ARHGAP22: variants seen among roughly 807,000 people sequenced by gnomAD.
The protein encoded by ARHGAP22 is Rho GTPase activating protein 22, also known as rho GTPase-activating protein 22.
Under a neutral mutation model 59.1 loss-of-function variants are expected in ARHGAP22, and 48 were observed. The ratio of observed to expected loss-of-function variants is 0.81; its 90% CI spans 0.64 to 1.03. The LOEUF is 1.03. Among genes scored for constraint, ARHGAP22 ranks in the 50% least tolerant of loss-of-function variants. The pLI is 0.00. For missense variants in ARHGAP22, 1,015 were observed against 958.7 expected (o/e 1.06, Z -0.78); for synonymous variants, 445 against 416.4 (o/e 1.07, Z -0.84).
chr10:48,435,046 G>A, the ARHGAP22 span: 3 of 1,506,194 alleles, frequency 2.0e-6, no homozygotes, highest in Admixed American at 1.9e-5. Flanking sequence ...GGGCCATCGG[G>A]GGGTGGGAGG....
At position 48,453,304 on chromosome 10, in the gene ARHGAP22, C is replaced by T. The variant is rs1449686286; in HGVS notation, c.988G>A (p.Gly330Ser). The T allele has an allele frequency of 1.9e-6, 3 of 1,613,620 alleles. No individual in the cohort carries two copies. The South Asian group carries it at 3.3e-5, about 18-fold the overall frequency. Residue 330 changes from glycine to serine, a missense_variant and splice_region_variant, in exon 8 of 10, where the codon GGC becomes AGC. Coordinates refer to ENST00000249601, the MANE Select transcript of ARHGAP22 (RefSeq NM_021226.4). ...GCCACCAGGTACACCTCCCACTTAC[C>T]TTCCATGATGGTTACTGGGTCCTCT... ...QVEDPVTIME[G>S]TSLVQHLMTV...
At chr10:48,434,905 C>T in the ARHGAP22 span, 3 of 1,613,578 alleles carry the variant, frequency 1.9e-6, no homozygotes, top group South Asian at 3.3e-5. Flanking sequence ...ATCAATGGCT[C>T]TCAGCATCCA....
chr10:48,643,745 G>A (rs2062161975), intron 1 of ARHGAP22, among the ~76,000 whole-genome samples: 1 of 121,928 alleles, frequency 8.2e-6, no homozygotes, highest in Admixed American at 7.8e-5. Flanking sequence ...AGAACTTAAA[G>A]TATAATTAAA....
chr10:48,498,695 C>T (rs1486942935), intron 3 of ARHGAP22, among the ~76,000 whole-genome samples: 1 of 152,202 alleles, frequency 6.6e-6, no homozygotes, highest in Non-Finnish European at 1.5e-5. Flanking sequence ...CTCAACATTT[C>T]AGAACCCAAA....
At chr10:48,511,574 A>C (rs1441051981) in intron 3 of ARHGAP22, 1 of 152,308 alleles carries the variant, frequency 6.6e-6, no homozygotes, top group African/African-American at 2.4e-5. Flanking sequence ...CTGCTTCCAG[A>C]AGTTGTTGAT....
rs1564663911 is a variant in ARHGAP22, at chr10:48,450,853, GCAGGGT to G, written c.1270_1275del (p.Thr424_Leu425del). 2.5e-6 allele frequency: 4 copies of G among 1,590,462 alleles called. No individual in the cohort carries two copies. Among genetic ancestry groups the G allele is most frequent in the Non-Finnish European group, 3.4e-6 (4 of 1,168,964 alleles). ...TGCCGGAAGGAGGACTTCCAACTGG[GCAGGGT>G]CTGCACCTTCTTCCCAGGGCTGCAC... On this transcript the variant is annotated inframe_deletion, in exon 9 of 10. Transcript: ENST00000249601.
Position 48,523,439 on chromosome 10 carries a change from C to T in ARHGAP22, c.322+32024G>A, listed in dbSNP as rs556804478. Reference sequence around the variant, plus strand: ...CCCAGCCCCCGGGAGGCCGGACCTCCGGCGGCCGCCAACGTCCTAAGCGTG... The same window carrying T: ...CCCAGCCCCCGGGAGGCCGGACCTCTGGCGGCCGCCAACGTCCTAAGCGTG... On this transcript the variant is annotated intron_variant, in intron 3 of 9. Transcript: ENST00000249601. Among the ~76,000 whole-genome samples, 4 of 152,350 alleles carry T rather than the reference C, an allele frequency of 2.6e-5. No individual in the cohort carries two copies. In the East Asian group the frequency reaches 7.7e-4, roughly 29 times the overall value.
Position 48,652,265 on chromosome 10 carries a change from G to A in ARHGAP22, c.21C>T (p.Ser7=), listed in dbSNP as rs1366457259. 8 of 1,535,672 alleles carry A rather than the reference G, an allele frequency of 5.2e-6. No individual in the cohort carries two copies. In the South Asian group the frequency reaches 9.5e-5, roughly 18 times the overall value. Residue 7 remains serine (S), a synonymous_variant, in exon 1 of 10, where the codon AGC becomes AGT. Coordinates refer to the ARHGAP22 transcript ENST00000435790. ...ATCTGGCTGCAAACGTCCTCCTTTT[G>A]CTGGAAGCTGTCGGCAGCATAATGA... is the stretch of plus-strand genomic sequence containing the variant.
chr10:48,605,799 G>T (rs2060648607), upstream of ARHGAP22, among the ~76,000 whole-genome samples: 1 of 152,130 alleles, frequency 6.6e-6, no homozygotes, highest in Admixed American at 6.5e-5. Flanking sequence ...CCTGAAGCAG[G>T]TGCTATATAT....
chr10:48,575,438 A>G (rs979794035), intron 2 of ARHGAP22: 6 of 152,168 alleles, frequency 3.9e-5, no homozygotes, highest in Admixed American at 3.9e-4. Context: ...CTTTCAAGTT[A>G]TGGGATAGGA....
At chr10:48,440,923 C>T in the ARHGAP22 span, among the ~76,000 whole-genome samples, 5 of 152,184 alleles carry the variant, frequency 3.3e-5, no homozygotes, top group East Asian at 1.9e-4. Flanking sequence ...TAGGTGAAGT[C>T]GCCAAGCTTA....
In ARHGAP22 at chr10:48,446,072, T is replaced by A; in HGVS notation, c.*319A>T. The A allele has an allele frequency of 2.5e-6, 1 of 405,632 alleles. No homozygotes were observed. The highest frequency in any genetic ancestry group is 4.4e-6 in the Non-Finnish European group (1 of 227,354). 25.1% of individuals were successfully genotyped at this position (405,632 alleles called of 1,614,324 possible). A position where few individuals can be genotyped will look rare whatever the true frequency, so the allele number is the denominator to read the frequency against. On this transcript the variant is annotated 3_prime_UTR_variant, in exon 10 of 10. Coordinates refer to ENST00000249601, the MANE Select transcript of ARHGAP22 (RefSeq NM_021226.4). ...CACATTTAATAAAGAAAGCTGACTG[T>A]TCCCGGTGGCTGCCTGGATCCTGGG... is the stretch of plus-strand genomic sequence containing the variant.
At chr10:48,611,191 G>C (rs1743360315) in intron 1 of ARHGAP22, among the ~76,000 whole-genome samples, 1 of 152,216 alleles carries the variant, frequency 6.6e-6, no homozygotes, top group African/African-American at 2.4e-5. Context: ...TAGTAGCACA[G>C]GCTCTGCCTG....
At chr10:48,637,141 T>G (rs1408238751) in intron 1 of ARHGAP22, among the ~76,000 whole-genome samples, 1 of 152,154 alleles carries the variant, frequency 6.6e-6, no homozygotes, top group African/African-American at 2.4e-5. Context: ...TCTAGATGAA[T>G]GCCACTGAGA....
chr10:48,645,932 A>G (rs1375678218), intron 1 of ARHGAP22, among the ~76,000 whole-genome samples: 1 of 152,184 alleles, frequency 6.6e-6, no homozygotes, highest in Non-Finnish European at 1.5e-5. Flanking sequence ...AGATGATATG[A>G]TACTGTGTTT....
chr10:48,539,344 T>C (rs2135087161), intron 3 of ARHGAP22, among the ~76,000 whole-genome samples: 1 of 137,058 alleles, frequency 7.3e-6, no homozygotes, highest in South Asian at 2.6e-4. Context: ...CAGGCTGGAG[T>C]GCAGTGGCGC....
chr10:48,455,709 C>T (rs1237000444), intron 5 of ARHGAP22, among the ~76,000 whole-genome samples: 1 of 152,246 alleles, frequency 6.6e-6, no homozygotes, highest in African/African-American at 2.4e-5. Context: ...ATAGGTGCTG[C>T]CAACCCCCAG....
chr10:48,649,145 A>G (rs1375043315), intron 1 of ARHGAP22, among the ~76,000 whole-genome samples: 1 of 152,160 alleles, frequency 6.6e-6, no homozygotes, highest in East Asian at 1.9e-4. Context: ...AACAAGTCCA[A>G]GTTTCTGAAT....
At chr10:48,629,946 C>A (rs576315376) in intron 1 of ARHGAP22, among the ~76,000 whole-genome samples, 222 of 152,156 alleles carry the variant, frequency 1.5e-3, no homozygotes, top group Non-Finnish European at 2.4e-3. Flanking sequence ...ATATTTCATT[C>A]TTTTGGTGCT....
Sources: gnomAD v4.1 joint callset for allele counts (sites outside exome capture counted in the v4.1 genomes callset) on GRCh38, gnomAD v4.1.1 for gene constraint, MANE v1.5 for transcripts, NCBI Gene and HGNC (gene_info 2026-07-23, HGNC 2026-07-21) for gene names.